Variants in RXFP2 observed in about 807,000 individuals in gnomAD.
The protein encoded by RXFP2 is relaxin receptor 2.
A neutral mutation model predicts 88.6 loss-of-function variants in RXFP2; 68 were observed. That is an observed-to-expected ratio of 0.77 (90% confidence interval 0.63 to 0.94). RXFP2 has a LOEUF of 0.94. Ranked by LOEUF, RXFP2 falls within the 40% of genes least tolerant of loss-of-function variation. The pLI is 0.00. For missense variants in RXFP2, 791 were observed against 893.9 expected (o/e 0.88, Z 1.47); for synonymous variants, 329 against 306.8 (o/e 1.07, Z -0.76).
At chr13:31,740,477 A>G (rs1411124345) in intron 1 of RXFP2, among the ~76,000 whole-genome samples, 1 of 152,034 alleles carries the variant, frequency 6.6e-6, no homozygotes, top group Non-Finnish European at 1.5e-5. Flanking sequence ...TTTTTTCTTA[A>G]AGAATTTTGA....
chr13:31,742,804 A>G (rs1344468149), intron 1 of RXFP2, among the ~76,000 whole-genome samples: 1 of 152,210 alleles, frequency 6.6e-6, no homozygotes, highest in Non-Finnish European at 1.5e-5. Flanking sequence ...TCAATTAGCA[A>G]AGAATGATTT....
chr13:31,760,734 T>TAC (rs199577522), intron 2 of RXFP2, among the ~76,000 whole-genome samples: 2 of 151,662 alleles, frequency 1.3e-5, no homozygotes, highest in African/African-American at 4.8e-5. Flanking sequence ...TTTTAATTGA[T>TAC]TTAGGTATTT....
chr13:31,752,283 T>C (rs1871705254), intron 1 of RXFP2, among the ~76,000 whole-genome samples: 1 of 151,858 alleles, frequency 6.6e-6, no homozygotes, highest in East Asian at 1.9e-4. Context: ...TTCTGCCCCC[T>C]CCCCCCCAAA....
Position 31,765,046 on chromosome 13 carries a change from A to G in RXFP2, c.329A>G (p.Gln110Arg), listed in dbSNP as rs772465885. 6.3e-7 allele frequency: 1 copy of G among 1,587,566 alleles called. No individual in the cohort carries two copies. Among genetic ancestry groups the G allele is most frequent in the Admixed American group, 1.7e-5 (1 of 59,978 alleles). ...CTTTTTGTCCCATTAGTTCTAAAAC[A>G]GTATCCACAATGCTGTGACTGCAAA... ...VALTQECFLK[Q>R]YPQCCDCKET... The change falls in exon 4 of 18, where the codon CAG becomes CGG. Residue 110 changes from glutamine (Q) to arginine (R), a missense_variant. By Grantham distance (43) the Gln-to-Arg change is conservative. Transcript: ENST00000298386.
intron 3 of RXFP2, among the ~76,000 whole-genome samples, chr13:31,762,446 CT>C (rs1172727110): frequency 1.3e-5 from 2 of 152,218 alleles, no homozygotes; most frequent in Non-Finnish European, 2.9e-5. Flanking sequence ...CACAACCATT[CT>C]GAGTGCATGA....
intron 9 of RXFP2, among the ~76,000 whole-genome samples, chr13:31,781,180 A>T (rs1412913908): frequency 6.6e-6 from 1 of 152,210 alleles, no homozygotes; most frequent in African/African-American, 2.4e-5. Flanking sequence ...CGCCACAGAC[A>T]TGGTAGTTAA....
At position 31,777,386 on chromosome 13, in the gene RXFP2, G is replaced by T. The variant is rs1408500187; in HGVS notation, c.652G>T (p.Asp218Tyr). ...GATACATTTTGTCAGAATTCTAGAT[G>T]ACAATCCAATAACCAGAATTTCACA... ...LHQLTWLILDDNPITRISQRL... is the reference protein window; with the variant it reads ...LHQLTWLILDYNPITRISQRL... The change falls in exon 8 of 18, where the codon GAC (aspartate) becomes TAC (tyrosine). Residue 218 changes from aspartate (D) to tyrosine (Y), a missense_variant. Physicochemically the swap from Asp to Tyr is radical, Grantham distance 160. Transcript: ENST00000298386. 5 of 1,609,932 alleles carry T rather than the reference G, an allele frequency of 3.1e-6. No homozygotes were observed. The highest frequency in any genetic ancestry group is 4.2e-6 in the Non-Finnish European group (5 of 1,176,926).
In RXFP2 at chr13:31,778,424, G is replaced by A. The variant is rs553890403; in HGVS notation, c.714-88G>A. On this transcript the variant is annotated intron_variant, in intron 8 of 17. Coordinates refer to ENST00000298386, the MANE Select transcript of RXFP2 (RefSeq NM_130806.5). Reference sequence around the variant, plus strand: ...CATCATAAGATATTAATTTTAGCACGCAAGTTTTGAAATTTTAAAATAATA... The same window carrying A: ...CATCATAAGATATTAATTTTAGCACACAAGTTTTGAAATTTTAAAATAATA... 4.5e-4 allele frequency: 396 copies of A among 887,428 alleles called. 1 individual carries two copies. Among genetic ancestry groups the A allele is most frequent in the Admixed American group, 9.3e-4 (49 of 52,616 alleles). The allele number at this position is 887,428 out of a possible 1,614,324, so 55.0% of individuals were successfully genotyped here. A position where few individuals can be genotyped will look rare whatever the true frequency, so the allele number is the denominator to read the frequency against.
At chr13:31,781,558 T>C (rs2138440176) in intron 9 of RXFP2, 113 bp from the exon 10 acceptor site, 1 of 718,668 alleles carries the variant, frequency 1.4e-6, no homozygotes, top group Non-Finnish European at 2.4e-6. Flanking sequence ...GGAGGAAAGA[T>C]AGTAACAACT....
At chr13:31,758,499 G>A (rs1420537721) in intron 2 of RXFP2, 95 bp downstream of exon 2, 4 of 1,435,220 alleles carry the variant, frequency 2.8e-6, no homozygotes, top group African/African-American at 2.8e-5. Flanking sequence ...AACTAGGAAA[G>A]CTGATTTGGT....
Position 31,777,462 on chromosome 13 carries a change from A to G in RXFP2, c.713+15A>G, listed in dbSNP as rs1566228751. The G allele has an allele frequency of 1.3e-6, 2 of 1,535,624 alleles. No individual in the cohort carries two copies. Among genetic ancestry groups the G allele is most frequent in the South Asian group, 1.1e-5 (1 of 88,758 alleles). On this transcript the variant is annotated intron_variant, in intron 8 of 17. Coordinates refer to ENST00000298386, the MANE Select transcript of RXFP2 (RefSeq NM_130806.5). ...TTGTTTTTCCTGTAAGTATTCATCA[A>G]CCTTTCAATACATCTATCGATACAT...
At chr13:31,743,499 G>C (rs17076567) in intron 1 of RXFP2, among the ~76,000 whole-genome samples, 7,267 of 151,702 alleles carry the variant, frequency 0.048, 204 homozygotes, top group Middle Eastern at 0.092. Context: ...AAAGAATTGC[G>C]ATTGAAAATT....
intron 11 of RXFP2, among the ~76,000 whole-genome samples, chr13:31,784,204 C>T (rs193106551): frequency 2.0e-3 from 306 of 152,020 alleles, no homozygotes; most frequent in Non-Finnish European, 2.1e-3. Flanking sequence ...TAACCCTCTT[C>T]GCATCCTACA....
At chr13:31,765,325 A>C (rs1312775294) in intron 4 of RXFP2, among the ~76,000 whole-genome samples, 183 bp downstream of exon 4, 1 of 152,202 alleles carries the variant, frequency 6.6e-6, no homozygotes, top group Non-Finnish European at 1.5e-5. Flanking sequence ...ACTGTATGTT[A>C]GATTAGCCTG....
chr13:31,759,733 T>A (rs1464836739), intron 2 of RXFP2, among the ~76,000 whole-genome samples: 1 of 152,146 alleles, frequency 6.6e-6, no homozygotes, highest in African/African-American at 2.4e-5. Context: ...CCTGTGTGTT[T>A]TCTCCCACAG....
At chr13:31,745,338 G>A (rs534484328) in intron 1 of RXFP2, among the ~76,000 whole-genome samples, 2 of 152,126 alleles carry the variant, frequency 1.3e-5, no homozygotes, top group South Asian at 2.1e-4. Context: ...CTGAACTGTC[G>A]CATCTCAGAG....
In RXFP2 at chr13:31,801,856, G is replaced by GA. The variant is rs76651358; in HGVS notation, c.2006-284dup. On this transcript the variant is annotated intron_variant, in intron 17 of 17. Coordinates refer to ENST00000298386, the MANE Select transcript of RXFP2 (RefSeq NM_130806.5). ...CCTATAAAGGAAGGTGATAAAATAG[G>GA]AAAAAATGCATTATATAGCAATTTA... Among the ~76,000 whole-genome samples, 50,701 of 151,940 alleles carry GA rather than the reference G, an allele frequency of 0.33. 8,877 individuals carry two copies. The highest frequency in any genetic ancestry group is 0.5 in the East Asian group (2,586 of 5,160).
intron 5 of RXFP2, among the ~76,000 whole-genome samples, chr13:31,771,743 G>A (rs546718538): frequency 3.9e-4 from 58 of 149,250 alleles, no homozygotes; most frequent in African/African-American, 1.3e-3. Context: ...AGTGAGCCAA[G>A]AACTCACCAC....
chr13:31,792,760 C>G lies in RXFP2; in HGVS notation c.1458C>G (p.Ala486=). 4 of 1,614,100 alleles carry G rather than the reference C, an allele frequency of 2.5e-6. No homozygotes were observed. Among genetic ancestry groups the G allele is most frequent in the Non-Finnish European group, 3.4e-6 (4 of 1,180,016 alleles). The part of the protein sequence containing the change: ...IKYRGQYQKY[A]LLWMESVQCR... ...ACCGAGGGCAGTATCAGAAGTATGC[C>G]TTGCTGTGGATGGAGAGCGTGCAGT... is the stretch of plus-strand genomic sequence containing the variant. The change falls in exon 16 of 18, where the codon GCC becomes GCG. Residue 486 remains alanine (A), a synonymous_variant. Transcript: ENST00000298386.
Sources: allele counts gnomAD v4.1 joint callset (sites outside exome capture counted in the v4.1 genomes callset), GRCh38; gene constraint gnomAD v4.1.1; transcripts MANE v1.5; gene names NCBI Gene and HGNC (gene_info 2026-07-23, HGNC 2026-07-21).